SLC20A2: variants seen among roughly 807,000 people sequenced by gnomAD.
SLC20A2 encodes the protein solute carrier family 20 member 2, also known as sodium-dependent phosphate transporter 2.
Under a neutral mutation model 61.0 loss-of-function variants are expected in SLC20A2, and 30 were observed. That is an observed-to-expected ratio of 0.49 (90% CI 0.37 to 0.67). SLC20A2 has a LOEUF of 0.67. Among genes scored for constraint, SLC20A2 ranks in the 30% least tolerant of loss-of-function variants. SLC20A2 has a pLI of 0.00. For missense variants in SLC20A2, 626 were observed against 866.4 expected (o/e 0.72, Z 3.48); for synonymous variants, 351 against 353.3 (o/e 0.99, Z 0.07).
At chr8:42,519,794 A>G (rs1236205266) in intron 1 of SLC20A2, among the ~76,000 whole-genome samples, 1 of 152,158 alleles carries the variant, frequency 6.6e-6, no homozygotes, top group Non-Finnish European at 1.5e-5. Context: ...TGTCATAGTT[A>G]GAAGCCCCTC....
intron 1 of SLC20A2, among the ~76,000 whole-genome samples, chr8:42,532,233 T>C (rs768705101): frequency 1.3e-5 from 2 of 152,204 alleles, no homozygotes; most frequent in African/African-American, 2.4e-5. Context: ...CTGATACTTT[T>C]TATTCTTTTC....
At chr8:42,498,063 C>T (rs1810060513) in intron 1 of SLC20A2, among the ~76,000 whole-genome samples, 1 of 152,096 alleles carries the variant, frequency 6.6e-6, no homozygotes, top group Non-Finnish European at 1.5e-5. Flanking sequence ...GAATTGCAAA[C>T]CAGTTCAGGA....
chr8:42,428,321 A>G (rs1803566826), intron 10 of SLC20A2, among the ~76,000 whole-genome samples: 2 of 152,264 alleles, frequency 1.3e-5, no homozygotes, highest in Non-Finnish European at 2.9e-5. Flanking sequence ...TAAGGAACAA[A>G]ACCAGAAACA....
intron 5 of SLC20A2, among the ~76,000 whole-genome samples, chr8:42,447,610 G>GGAGCT (rs1805327994): frequency 2.0e-5 from 3 of 152,134 alleles, no homozygotes; most frequent in Admixed American, 2.0e-4. Context: ...CCCGGAAGGT[G>GGAGCT]GAGCTGCAGT....
intron 6 of SLC20A2, among the ~76,000 whole-genome samples, chr8:42,440,447 CGTT>C (rs1320279863): frequency 3.3e-5 from 5 of 152,154 alleles, no homozygotes; most frequent in South Asian, 2.1e-4. Context: ...AATCCATCCA[CGTT>C]GTTACATGGA....
At position 42,417,960 on chromosome 8, in the gene SLC20A2, G is replaced by A. The variant is rs387906652; in HGVS notation, c.1802C>T (p.Ser601Leu). Residue 601 changes from serine to leucine, a missense_variant, in exon 11 of 11, where the codon TCG becomes TTG. Physicochemically the swap from Ser to Leu is moderately radical, Grantham distance 145. This residue lies in a region of SLC20A2 where 138 missense variants were observed against 228.7 expected (regional missense o/e 0.60). Transcript: ENST00000520262. ...PVSTTHCKVG[S>L]VVAVGWIRSR... ...GCGGATCCAGCCCACGGCCACCACC[G>A]AGCCCACCTGTGGGAGCAGACATTG... 26 of 1,612,966 alleles carry A rather than the reference G, an allele frequency of 1.6e-5. No homozygotes were observed. Among genetic ancestry groups the A allele is most frequent in the Non-Finnish European group, 2.0e-5 (24 of 1,179,692 alleles).
chr8:42,435,287 G>A (rs1804163793), intron 8 of SLC20A2, among the ~76,000 whole-genome samples: 1 of 152,206 alleles, frequency 6.6e-6, no homozygotes, highest in South Asian at 2.1e-4. Context: ...GGGAGGCAGT[G>A]TGCGTAGCCC....
intron 1 of SLC20A2, among the ~76,000 whole-genome samples, chr8:42,474,988 G>C (rs2131242377): frequency 6.6e-6 from 1 of 152,216 alleles, no homozygotes; most frequent in East Asian, 1.9e-4. Context: ...GGGCCAGGAG[G>C]CAGGCCCGGG....
chr8:42,445,023 G>A lies in SLC20A2; in HGVS notation c.614-261C>T, dbSNP rs561126485. ...TTACCAACTGGGGGCCAGGCATGGC[G>A]GCTCACACCTGTAATCCCAGCACTT... On this transcript the variant is annotated intron_variant, in intron 5 of 10. Coordinates refer to ENST00000520262, the MANE Select transcript of SLC20A2 (RefSeq NM_001257180.2). Among the ~76,000 whole-genome samples, 63 of 152,338 alleles carry A rather than the reference G, an allele frequency of 4.1e-4. 1 individual carries two copies. The highest frequency in any genetic ancestry group is 3.4e-3 in the Middle Eastern group (1 of 294).
intron 1 of SLC20A2, chr8:42,541,000 G>A (rs942287190): frequency 3.3e-5 from 5 of 152,254 alleles, no homozygotes; most frequent in African/African-American, 4.8e-5. Flanking sequence ...GGGGAGAATG[G>A]AAAGCCAGTT....
At chr8:42,519,786 T>C (rs1586258164) in intron 1 of SLC20A2, among the ~76,000 whole-genome samples, 1 of 152,178 alleles carries the variant, frequency 6.6e-6, no homozygotes, top group Non-Finnish European at 1.5e-5. Context: ...TTTATGGCTG[T>C]CATAGTTAGA....
chr8:42,438,889 G>T (rs922468475), intron 7 of SLC20A2, among the ~76,000 whole-genome samples: 4 of 152,052 alleles, frequency 2.6e-5, no homozygotes, highest in African/African-American at 9.7e-5. Context: ...GCTAATTTTT[G>T]TATTTTTAGT....
intron 4 of SLC20A2, among the ~76,000 whole-genome samples, chr8:42,462,792 C>T (rs1036500380): frequency 1.9e-4 from 29 of 152,138 alleles, no homozygotes. Context: ...CCAAGAAACA[C>T]TATTTGCAGT....
intron 1 of SLC20A2, among the ~76,000 whole-genome samples, chr8:42,530,799 T>C (rs1002825139): frequency 6.6e-6 from 1 of 152,198 alleles, no homozygotes; most frequent in Non-Finnish European, 1.5e-5. Context: ...CACTGCAACC[T>C]CCACCTCCCG....
chr8:42,490,761 CG>C (rs1450287880), intron 1 of SLC20A2, among the ~76,000 whole-genome samples: 1 of 152,132 alleles, frequency 6.6e-6, no homozygotes, highest in African/African-American at 2.4e-5. Context: ...GGTGAGTTGC[CG>C]GGCACGCTGC....
chr8:42,488,687 T>C (rs1011950580), intron 1 of SLC20A2, among the ~76,000 whole-genome samples: 2 of 152,156 alleles, frequency 1.3e-5, no homozygotes, highest in African/African-American at 4.8e-5. Context: ...CAATTTCTCA[T>C]TACCCTCATC....
chr8:42,513,712 G>A (rs1208377881), intron 1 of SLC20A2, among the ~76,000 whole-genome samples: 2 of 152,042 alleles, frequency 1.3e-5, no homozygotes, highest in Admixed American at 1.3e-4. Context: ...AAATGAATAG[G>A]ATCTTATCTT....
chr8:42,431,294 T>C (rs1397403974), intron 8 of SLC20A2, among the ~76,000 whole-genome samples: 1 of 152,184 alleles, frequency 6.6e-6, no homozygotes, highest in African/African-American at 2.4e-5. Flanking sequence ...TGGAGACAGT[T>C]TGAGTGGTCT....
At chr8:42,467,498 G>A (rs144039975) in intron 2 of SLC20A2, among the ~76,000 whole-genome samples, 17 of 152,310 alleles carry the variant, frequency 1.1e-4, no homozygotes, top group African/African-American at 3.6e-4. Flanking sequence ...AATCCCAAAC[G>A]TTAATTCTGG....
Sources: allele counts gnomAD v4.1 joint callset (sites outside exome capture counted in the v4.1 genomes callset), GRCh38; gene constraint gnomAD v4.1.1; regional missense constraint gnomAD v4.1.1; transcripts MANE v1.5; gene names NCBI Gene and HGNC (gene_info 2026-07-23, HGNC 2026-07-21).